The following OSBPL11 variants were observed in gnomAD, a reference collection of about 807,000 sequenced individuals.
The protein encoded by OSBPL11 is oxysterol-binding protein-related protein 11.
A neutral mutation model predicts 84.4 loss-of-function variants in OSBPL11; 33 were observed. The observed-to-expected ratio is 0.39, with a 90% confidence interval of 0.30 to 0.52. OSBPL11 has a LOEUF of 0.52. Ranked by LOEUF, OSBPL11 falls within the 20% of genes least tolerant of loss-of-function variation. OSBPL11 has a pLI of 0.72. For missense variants in OSBPL11, 736 were observed against 901.1 expected, an observed-to-expected ratio of 0.82 and a Z score of 2.35; for synonymous variants, 276 against 310.2, an observed-to-expected ratio of 0.89 and a Z score of 1.16.
rs750973285 is a variant in OSBPL11 at position 125,530,624 on chromosome 3, C to A, written c.2179-44G>T. ...TAAAGAATCATCCCTCTAATATTAT[C>A]AAAATCAGTAACCAAAACTAGAAGC... is the stretch of plus-strand genomic sequence containing the variant. On this transcript the variant is annotated intron_variant, in intron 12 of 12. Coordinates refer to ENST00000296220, the MANE Select transcript of OSBPL11 (RefSeq NM_022776.5). 31 of 1,507,226 alleles carry A rather than the reference C, an allele frequency of 2.1e-5. 1 individual carries two copies. The South Asian group carries it at 3.3e-4, about 16-fold the overall frequency. 93.4% of individuals were successfully genotyped at this position (1,507,226 alleles called of 1,614,324 possible).
rs578236045 is a variant in OSBPL11 at position 125,531,592 on chromosome 3, C to T, written c.2178+269G>A. ...AGGCATGAGCCACCGAGCCCGGCCACCCCCTAGCTCATTTTTAATGATATA... is the reference window on the plus strand; with the variant it reads ...AGGCATGAGCCACCGAGCCCGGCCATCCCCTAGCTCATTTTTAATGATATA... On this transcript the variant is annotated intron_variant, in intron 12 of 12. Transcript: ENST00000296220. 2.6e-5 allele frequency among the ~76,000 whole-genome samples: 4 copies of T among 152,076 alleles called. No individual in the cohort carries two copies. In the East Asian group the frequency reaches 7.7e-4, roughly 29 times the overall value.
At chr3:125,542,360 G>A (rs572141911) in intron 10 of OSBPL11, among the ~76,000 whole-genome samples, 4 of 150,120 alleles carry the variant, frequency 2.7e-5, no homozygotes, top group African/African-American at 4.9e-5. Flanking sequence ...ATGCAGTTCC[G>A]TTCTTGTGGA....
intron 5 of OSBPL11, 148 bp downstream of exon 5, chr3:125,576,041 T>C: frequency 1.6e-6 from 1 of 643,316 alleles, no homozygotes; most frequent in South Asian, 2.3e-5. Context: ...ATTAAGGGAA[T>C]GTTTACGACT....
chr3:125,543,983 A>G (rs1935773982), intron 10 of OSBPL11, among the ~76,000 whole-genome samples: 1 of 152,166 alleles, frequency 6.6e-6, no homozygotes, highest in Non-Finnish European at 1.5e-5. Flanking sequence ...ATCTGGGACT[A>G]TCATTGACTG....
Position 125,560,374 on chromosome 3 carries a change from C to T in OSBPL11, c.1155+5G>A, listed in dbSNP as rs779157924. ...TCTCCATAGCCAGCTTATGCCATTACTTACTCTTGTTAAATCCATGCCCAG... is the reference window on the plus strand; with the variant it reads ...TCTCCATAGCCAGCTTATGCCATTATTTACTCTTGTTAAATCCATGCCCAG... On this transcript the variant is annotated splice_donor_5th_base_variant and intron_variant, in intron 8 of 12. Transcript: ENST00000296220. 6.5e-7 allele frequency: 1 copy of T among 1,537,680 alleles called. No individual in the cohort carries two copies. The highest frequency in any genetic ancestry group is 8.8e-7 in the Non-Finnish European group (1 of 1,133,662).
intron 11 of OSBPL11, among the ~76,000 whole-genome samples, chr3:125,533,824 C>T (rs1935597717): frequency 6.6e-6 from 1 of 152,048 alleles, no homozygotes; most frequent in Non-Finnish European, 1.5e-5. Context: ...TTTTAATAAC[C>T]AATCTCAATA....
At chr3:125,551,202 T>TA (rs71629415) in intron 9 of OSBPL11, among the ~76,000 whole-genome samples, 4 of 124,364 alleles carry the variant, frequency 3.2e-5, no homozygotes, top group Admixed American at 7.9e-5. Flanking sequence ...TAAATTAAAT[T>TA]AAAAAAAAGG....
chr3:125,533,282 T>C (rs1935589975), intron 11 of OSBPL11, among the ~76,000 whole-genome samples: 1 of 144,388 alleles, frequency 6.9e-6, no homozygotes, highest in Non-Finnish European at 1.5e-5. Flanking sequence ...AGGGTCTCAC[T>C]GTCACCATCT....
chr3:125,577,417 G>C (rs1936342027), intron 4 of OSBPL11, among the ~76,000 whole-genome samples: 1 of 152,120 alleles, frequency 6.6e-6, no homozygotes. Flanking sequence ...TGCTCAACAT[G>C]ATTAGTCATT....
chr3:125,584,292 G>A (rs1936473738), intron 1 of OSBPL11, among the ~76,000 whole-genome samples: 1 of 152,088 alleles, frequency 6.6e-6, no homozygotes, highest in African/African-American at 2.4e-5. Context: ...CTTGAACCCA[G>A]GAGGCAGAGG....
At chr3:125,594,584 C>A (rs1487000978) in intron 1 of OSBPL11, 53 bp downstream of exon 1, 10 of 1,582,312 alleles carry the variant, frequency 6.3e-6, no homozygotes, top group Admixed American at 1.7e-5. Context: ...GCCTCCAGGG[C>A]ATATTCACCC....
chr3:125,544,207 C>T (rs2107591140), intron 10 of OSBPL11, among the ~76,000 whole-genome samples: 1 of 151,916 alleles, frequency 6.6e-6, no homozygotes, highest in South Asian at 2.1e-4. Flanking sequence ...AGGCATGCAC[C>T]ACCACGCCCA....
intron 5 of OSBPL11, among the ~76,000 whole-genome samples, chr3:125,573,987 T>C (rs1936279392): frequency 1.3e-5 from 2 of 151,748 alleles, no homozygotes; most frequent in South Asian, 4.1e-4. Flanking sequence ...CTCACACCAA[T>C]TTATATCTTT....
chr3:125,570,330 CAAA>C (rs1251584217), intron 5 of OSBPL11, among the ~76,000 whole-genome samples: 2 of 119,290 alleles, frequency 1.7e-5, no homozygotes, highest in Admixed American at 8.7e-5. Context: ...CCATCTCTAG[CAAA>C]AAAAAAAAAA....
chr3:125,583,425 A>G (rs1936458200), intron 1 of OSBPL11, among the ~76,000 whole-genome samples: 1 of 151,702 alleles, frequency 6.6e-6, no homozygotes, highest in Non-Finnish European at 1.5e-5. Flanking sequence ...TACTAAAAAT[A>G]CAAAAATTCA....
intron 5 of OSBPL11, among the ~76,000 whole-genome samples, chr3:125,571,321 T>C (rs1459831484): frequency 2.0e-5 from 3 of 152,094 alleles, no homozygotes; most frequent in South Asian, 2.1e-4. Context: ...AAGTAGAGCA[T>C]AAAAGTTCAG....
chr3:125,549,140 G>A (rs1230163052), intron 9 of OSBPL11, among the ~76,000 whole-genome samples: 1 of 152,008 alleles, frequency 6.6e-6, no homozygotes, highest in African/African-American at 2.4e-5. Flanking sequence ...TCCTGCCTCA[G>A]CCTCCCAAGT....
intron 5 of OSBPL11, among the ~76,000 whole-genome samples, chr3:125,568,430 C>CAAAAAA (rs1052383358): frequency 6.6e-5 from 5 of 75,654 alleles, no homozygotes; most frequent in African/African-American, 2.5e-4. Context: ...GACTACGTCT[C>CAAAAAA]AAAAAAAAAA....
chr3:125,570,827 T>A (rs1028369082), intron 5 of OSBPL11, among the ~76,000 whole-genome samples: 52 of 152,310 alleles, frequency 3.4e-4, no homozygotes, highest in African/African-American at 1.3e-3. Flanking sequence ...TCTGTATAAA[T>A]CACCCAGTCT....
Sources: allele counts gnomAD v4.1 joint callset (sites outside exome capture counted in the v4.1 genomes callset), GRCh38; gene constraint gnomAD v4.1.1; transcripts MANE v1.5; gene names NCBI Gene and HGNC (gene_info 2026-07-23, HGNC 2026-07-21).